Variants in ARB2A observed in about 807,000 individuals in gnomAD.
ARB2A encodes the protein cotranscriptional regulator ARB2A.
At chr5:93,646,072 C>T in the ARB2A span, among the ~76,000 whole-genome samples, 1 of 152,038 alleles carries the variant, frequency 6.6e-6, no homozygotes, top group East Asian at 1.9e-4. Context: ...ATAATTGAAT[C>T]TTATGAAATT....
chr5:94,000,587 T>G, the ARB2A span, among the ~76,000 whole-genome samples: 1 of 152,088 alleles, frequency 6.6e-6, no homozygotes, highest in Non-Finnish European at 1.5e-5. Flanking sequence ...TTGCAATTTT[T>G]TTCTCTCAGT....
the ARB2A span, among the ~76,000 whole-genome samples, chr5:94,104,501 T>C: frequency 5.3e-5 from 8 of 151,994 alleles, no homozygotes; most frequent in African/African-American, 1.2e-4. Flanking sequence ...AATTTCAAAA[T>C]TGATCAGTAA....
the ARB2A span, among the ~76,000 whole-genome samples, chr5:93,718,127 C>A: frequency 6.6e-6 from 1 of 151,902 alleles, no homozygotes; most frequent in Non-Finnish European, 1.5e-5. Context: ...CCCCGCCTGG[C>A]CAATATTCTT....
chr5:93,788,349 G>A, the ARB2A span, among the ~76,000 whole-genome samples: 1 of 152,152 alleles, frequency 6.6e-6, no homozygotes, highest in Non-Finnish European at 1.5e-5. Flanking sequence ...AAAGGGAGGT[G>A]CGGGAGGGCC....
the ARB2A span, among the ~76,000 whole-genome samples, chr5:93,624,793 C>T: frequency 1.9e-4 from 29 of 152,172 alleles, no homozygotes; most frequent in Admixed American, 6.5e-5. Context: ...GTTCTGCATC[C>T]CACATGATTT....
At chr5:93,646,871 G>A in the ARB2A span, among the ~76,000 whole-genome samples, 7 of 152,032 alleles carry the variant, frequency 4.6e-5, no homozygotes, top group Admixed American at 4.6e-4. Flanking sequence ...CAAAGAAGTT[G>A]CAAGAATAAT....
chr5:93,999,972 T>C, the ARB2A span, among the ~76,000 whole-genome samples: 8 of 152,112 alleles, frequency 5.3e-5, no homozygotes, highest in Non-Finnish European at 1.0e-4. Flanking sequence ...TTCCTCCATG[T>C]CTTTTCATGG....
At chr5:94,000,045 AATTT>A in the ARB2A span, among the ~76,000 whole-genome samples, 1 of 152,050 alleles carries the variant, frequency 6.6e-6, no homozygotes, top group Non-Finnish European at 1.5e-5. Context: ...GATGGACTAC[AATTT>A]ATTTATCCAT....
chr5:93,779,090 AGTGTGT>A, the ARB2A span, among the ~76,000 whole-genome samples: 3,740 of 143,420 alleles, frequency 0.026, 67 homozygotes, highest in East Asian at 0.091. Context: ...GTCATTTCAG[AGTGTGT>A]GTGTGTGTGT....
the ARB2A span, chr5:93,620,943 G>C: frequency 6.3e-7 from 1 of 1,595,784 alleles, no homozygotes; most frequent in South Asian, 1.1e-5. Context: ...GGAGGCGTGC[G>C]GGTGGGTGCG....
chr5:93,741,387 G>A, the ARB2A span: 2,486 of 1,612,954 alleles, frequency 1.5e-3, 3 homozygotes, highest in Non-Finnish European at 2.0e-3. Context: ...TCCTCCACAC[G>A]TCAGGGCCTG....
the ARB2A span, among the ~76,000 whole-genome samples, chr5:93,854,961 A>G: frequency 1.3e-5 from 2 of 152,140 alleles, no homozygotes; most frequent in Non-Finnish European, 2.9e-5. Context: ...AGTTCTGTAG[A>G]TGTCTATTAG....
the ARB2A span, among the ~76,000 whole-genome samples, chr5:93,778,499 G>GC: frequency 6.6e-6 from 1 of 152,102 alleles, no homozygotes; most frequent in Non-Finnish European, 1.5e-5. Flanking sequence ...CTAAAAATAG[G>GC]CTCCCAATGA....
chr5:93,799,657 T>G, the ARB2A span, among the ~76,000 whole-genome samples: 1 of 152,138 alleles, frequency 6.6e-6, no homozygotes, highest in South Asian at 2.1e-4. Flanking sequence ...TCTGATTGCT[T>G]GTACATGGTT....
At chr5:93,852,760 GT>G in the ARB2A span, among the ~76,000 whole-genome samples, 2 of 152,148 alleles carry the variant, frequency 1.3e-5, no homozygotes, top group South Asian at 4.1e-4. Context: ...AGATCAGATA[GT>G]TGTAGATATG....
chr5:93,856,707 C>T, the ARB2A span, among the ~76,000 whole-genome samples: 1 of 151,980 alleles, frequency 6.6e-6, no homozygotes, highest in East Asian at 1.9e-4. Context: ...AAGTTTTTAA[C>T]TTCTTTGTCT....
chr5:94,089,011 AAAT>A, the ARB2A span, among the ~76,000 whole-genome samples: 1 of 152,208 alleles, frequency 6.6e-6, no homozygotes, highest in Non-Finnish European at 1.5e-5. Context: ...TTCCGAGAAA[AAAT>A]AATGATTTTC....
At chr5:93,987,555 T>C in the ARB2A span, among the ~76,000 whole-genome samples, 18 of 152,178 alleles carry the variant, frequency 1.2e-4, no homozygotes, top group Non-Finnish European at 2.2e-4. Flanking sequence ...TTATACTTCA[T>C]TCTTGTGGGG....
the ARB2A span, among the ~76,000 whole-genome samples, chr5:93,761,351 C>T: frequency 6.6e-6 from 1 of 152,180 alleles, no homozygotes; most frequent in Admixed American, 6.5e-5. Flanking sequence ...TCGGGTCACT[C>T]TCACCCTAAT....
Sources: allele counts gnomAD v4.1 joint callset (sites outside exome capture counted in the v4.1 genomes callset), GRCh38; gene constraint gnomAD v4.1.1; transcripts MANE v1.5; gene names NCBI Gene and HGNC (gene_info 2026-07-23, HGNC 2026-07-21).